The following GNB1 variants were observed in gnomAD, a reference collection of about 807,000 sequenced individuals.
GNB1 encodes G protein subunit beta 1, also known as guanine nucleotide-binding protein G(I)/G(S)/G(T) subunit beta-1.
GNB1 carries 2 observed loss-of-function variants against 42.9 expected under a neutral mutation model. The observed-to-expected ratio is 0.05, with a 90% CI of 0.02 to 0.15. GNB1 has a LOEUF of 0.15. Ranked by LOEUF, GNB1 falls within the 10% of genes least tolerant of loss-of-function variation. GNB1 has a pLI of 1.00. For missense variants in GNB1, 193 were observed against 462.2 expected (o/e 0.42, Z 5.34); for synonymous variants, 183 against 174.7 (o/e 1.05, Z -0.38).
intron 7 of GNB1, chr1:1,793,602 T>C: frequency 4.1e-6 from 1 of 242,960 alleles, no homozygotes; most frequent in Non-Finnish European, 8.2e-6. Context: ...TTCATCTGCT[T>C]TACTGTTTGA....
chr1:1,807,696 G>T (rs576242554), intron 5 of GNB1, among the ~76,000 whole-genome samples: 8 of 151,352 alleles, frequency 5.3e-5, no homozygotes, highest in African/African-American at 1.5e-4. Context: ...TAACTATCAC[G>T]AATTTTTTCT....
chr1:1,857,060 T>C (rs1235599534), intron 1 of GNB1, among the ~76,000 whole-genome samples: 3 of 152,220 alleles, frequency 2.0e-5, no homozygotes, highest in African/African-American at 4.8e-5. Context: ...ATCCTGCTGA[T>C]TAATGAGAAG....
At chr1:1,881,648 C>T (rs1221181687) in intron 1 of GNB1, among the ~76,000 whole-genome samples, 1 of 152,180 alleles carries the variant, frequency 6.6e-6, no homozygotes, top group African/African-American at 2.4e-5. Flanking sequence ...GATCCGCCCG[C>T]CCTGGCCTCC....
At chr1:1,877,613 C>T (rs911367657) in intron 1 of GNB1, among the ~76,000 whole-genome samples, 4 of 152,090 alleles carry the variant, frequency 2.6e-5, no homozygotes, top group Non-Finnish European at 5.9e-5. Context: ...GCTAAGATTA[C>T]AGGCATGAGC....
At chr1:1,871,544 C>G (rs766487447) in intron 1 of GNB1, among the ~76,000 whole-genome samples, 54 of 152,112 alleles carry the variant, frequency 3.6e-4, no homozygotes, top group Non-Finnish European at 5.7e-4. Context: ...CTCGATCTAA[C>G]CTCTAATAGC....
rs1243136450 is a variant in GNB1 at position 1,787,201 on chromosome 1, C to T, written c.*9+121G>A. On this transcript the variant is annotated intron_variant, in intron 11 of 11. Transcript: ENST00000378609. The surrounding 1 kb of genome is among the most constrained non-coding windows in gnomAD (Gnocchi z 4.4). ...AGCTTTCTGTAAACGTTTCCCACAA[C>T]ACAATTCCAAATCAATGCTACATCA... 3.0e-6 allele frequency: 2 copies of T among 666,354 alleles called. No individual in the cohort carries two copies. Among genetic ancestry groups the T allele is most frequent in the Non-Finnish European group, 5.3e-6 (2 of 375,424 alleles). 41.3% of individuals were successfully genotyped at this position (666,354 alleles called of 1,614,324 possible).
At chr1:1,830,736 G>A (rs1192082537) in intron 2 of GNB1, among the ~76,000 whole-genome samples, 1 of 151,960 alleles carries the variant, frequency 6.6e-6, no homozygotes, top group Non-Finnish European at 1.5e-5. Flanking sequence ...TGGTAGAGAC[G>A]AGGCCTTGCT....
intron 1 of GNB1, among the ~76,000 whole-genome samples, chr1:1,869,888 C>A (rs1182234089): frequency 6.6e-6 from 1 of 151,906 alleles, no homozygotes; most frequent in East Asian, 1.9e-4. Flanking sequence ...CTTGAGACAA[C>A]ATCTCACTCC....
At chr1:1,866,488 T>C (rs1437072066) in intron 1 of GNB1, among the ~76,000 whole-genome samples, 3 of 152,190 alleles carry the variant, frequency 2.0e-5, no homozygotes, top group Admixed American at 2.0e-4. Context: ...AGTATGCCAT[T>C]CCAAGTCTGC....
chr1:1,804,305 AATAAT>A, intron 7 of GNB1, 109 bp downstream of exon 7: 1 of 760,794 alleles, frequency 1.3e-6, no homozygotes, highest in Non-Finnish European at 2.1e-6. Flanking sequence ...CCTCAAAAAA[AATAAT>A]TAATTAATTA....
intron 1 of GNB1, among the ~76,000 whole-genome samples, chr1:1,841,419 A>G (rs1647239311): frequency 1.3e-5 from 2 of 152,146 alleles, no homozygotes; most frequent in African/African-American, 4.8e-5. Flanking sequence ...ACCTCAGGTA[A>G]TCCGCCTGTT....
chr1:1,841,620 A>G (rs543918938), intron 1 of GNB1, among the ~76,000 whole-genome samples: 2 of 152,346 alleles, frequency 1.3e-5, no homozygotes, highest in Admixed American at 6.5e-5. Flanking sequence ...ACATGCACAC[A>G]TCTAGTCTGG....
chr1:1,807,778 G>A (rs544373636), intron 5 of GNB1, among the ~76,000 whole-genome samples: 1 of 151,596 alleles, frequency 6.6e-6, no homozygotes, highest in African/African-American at 2.4e-5. Context: ...CGCCATCTCG[G>A]CTCACTGCAA....
chr1:1,854,036 C>T (rs1391928317), intron 1 of GNB1, among the ~76,000 whole-genome samples: 1 of 152,330 alleles, frequency 6.6e-6, no homozygotes, highest in Admixed American at 6.5e-5. Flanking sequence ...TGCCAGGCAC[C>T]ACAGCTCAGG....
chr1:1,813,378 TG>T (rs1435351965), intron 5 of GNB1, among the ~76,000 whole-genome samples: 1 of 152,260 alleles, frequency 6.6e-6, no homozygotes, highest in East Asian at 1.9e-4. Context: ...CCCAAAGTGC[TG>T]GGATTACAGG....
chr1:1,800,387 A>G (rs762750708), intron 7 of GNB1, among the ~76,000 whole-genome samples: 14 of 152,368 alleles, frequency 9.2e-5, no homozygotes, highest in Non-Finnish European at 1.5e-4. Context: ...TATCTGACAT[A>G]AAGAACCTGC....
chr1:1,842,507 G>C (rs964430039), intron 1 of GNB1, among the ~76,000 whole-genome samples: 3 of 151,368 alleles, frequency 2.0e-5, no homozygotes, highest in African/African-American at 7.3e-5. Context: ...TATGCTAAGT[G>C]ACAGATGCCA....
At chr1:1,809,061 G>C (rs773154251) in intron 5 of GNB1, among the ~76,000 whole-genome samples, 5 of 152,130 alleles carry the variant, frequency 3.3e-5, no homozygotes, top group Non-Finnish European at 7.4e-5. Flanking sequence ...TATCAAACTA[G>C]ATGTTTTGAT....
chr1:1,868,199 G>A (rs933499999), intron 1 of GNB1, among the ~76,000 whole-genome samples: 6 of 151,914 alleles, frequency 3.9e-5, no homozygotes, highest in African/African-American at 1.5e-4. Flanking sequence ...TTTTGAGACG[G>A]AGTTTCGCTC....
Sources: allele counts gnomAD v4.1 joint callset (sites outside exome capture counted in the v4.1 genomes callset), GRCh38; gene constraint gnomAD v4.1.1; non-coding constraint Gnocchi (gnomAD v3.1); transcripts MANE v1.5; gene names NCBI Gene and HGNC (gene_info 2026-07-23, HGNC 2026-07-21).